Variants in NOTCH2 observed in about 807,000 individuals in gnomAD.
NOTCH2 encodes the protein notch receptor 2.
In NOTCH2, 29 loss-of-function variants were observed where a neutral mutation model predicts 235.8. That is an observed-to-expected ratio of 0.12 (90% confidence interval 0.09 to 0.17). The LOEUF (loss-of-function observed/expected upper bound fraction) is 0.17. Ranked by LOEUF, NOTCH2 falls within the 10% of genes least tolerant of loss-of-function variation. The probability of loss-of-function intolerance (pLI) is 1.00; values close to 1 mark genes in which losing one functional copy is unlikely to be tolerated. For missense variants in NOTCH2, 2,285 were observed against 3,150.2 expected (o/e 0.73, Z 6.57); for synonymous variants, 1,086 against 1,141.5 (o/e 0.95, Z 0.98).
chr1:119,955,947 T>C (rs1553198330), intron 12 of NOTCH2, among the ~76,000 whole-genome samples: 1 of 152,212 alleles, frequency 6.6e-6, no homozygotes, highest in Non-Finnish European at 1.5e-5. Context: ...CCTATCACCA[T>C]AGATTGTGAT....
intron 1 of NOTCH2, among the ~76,000 whole-genome samples, chr1:120,065,998 T>C (rs1553217010): frequency 1.3e-5 from 2 of 151,104 alleles, no homozygotes; most frequent in African/African-American, 4.9e-5. Context: ...AAAAACAACA[T>C]GTATGAATGA....
At chr1:119,941,396 A>T (rs1553196436) in intron 18 of NOTCH2, 130 bp downstream of exon 18, 2 of 723,142 alleles carry the variant, frequency 2.8e-6, no homozygotes, top group East Asian at 2.7e-5. Flanking sequence ...GCAATAGGAG[A>T]TGACTGTGGA....
At chr1:120,011,178 G>A (rs373338908) in intron 2 of NOTCH2, among the ~76,000 whole-genome samples, 85 of 151,980 alleles carry the variant, frequency 5.6e-4, no homozygotes, top group East Asian at 3.7e-3. Flanking sequence ...AAAATGTTTC[G>A]AAATTAGATA....
At chr1:120,063,310 G>A (rs1655380317) in intron 1 of NOTCH2, among the ~76,000 whole-genome samples, 1 of 152,008 alleles carries the variant, frequency 6.6e-6, no homozygotes, top group African/African-American at 2.4e-5. Flanking sequence ...ACACATCTGA[G>A]GGAAACTGCC....
At chr1:119,931,056 T>C (rs1439520360) in intron 22 of NOTCH2, among the ~76,000 whole-genome samples, 5 of 149,622 alleles carry the variant, frequency 3.3e-5, no homozygotes, top group African/African-American at 9.9e-5. Context: ...TAAGCCGAGA[T>C]TGCGCTACTG....
In NOTCH2 at chr1:119,914,621, CA is replaced by C. The variant is rs1649001244; in HGVS notation, c.*684del. 1.3e-5 allele frequency: 3 copies of C among 238,878 alleles called. No individual in the cohort carries two copies. Among genetic ancestry groups the C allele is most frequent in the Non-Finnish European group, 1.6e-5 (2 of 121,230 alleles). 14.8% of individuals were successfully genotyped at this position (238,878 alleles called of 1,614,324 possible). Reference sequence around the variant, plus strand: ...ATGATATATGCAGGAGAACACAATACAGTATGTCCATTTTCCAAAGAAACAA... The same window carrying C: ...ATGATATATGCAGGAGAACACAATACGTATGTCCATTTTCCAAAGAAACAA... On this transcript the variant is annotated 3_prime_UTR_variant, in exon 34 of 34. Transcript: ENST00000256646.
intron 1 of NOTCH2, among the ~76,000 whole-genome samples, chr1:120,058,497 C>T (rs1553215651): frequency 6.9e-6 from 1 of 144,074 alleles, no homozygotes; most frequent in Non-Finnish European, 1.5e-5. Flanking sequence ...AAGAGCAAAA[C>T]TCCAACTCAA....
intron 1 of NOTCH2, among the ~76,000 whole-genome samples, chr1:120,064,981 C>T (rs1464102400): frequency 2.0e-5 from 3 of 151,674 alleles, no homozygotes; most frequent in African/African-American, 7.3e-5. Context: ...AAATTGCTGG[C>T]CTAGTAATAC....
At chr1:120,007,765 C>A (rs1252759211) in intron 2 of NOTCH2, among the ~76,000 whole-genome samples, 1 of 151,526 alleles carries the variant, frequency 6.6e-6, no homozygotes, top group Admixed American at 6.6e-5. Flanking sequence ...ATACAATGCC[C>A]CATCCAAATC....
rs781822345 is a variant in NOTCH2, at chr1:119,966,325, C to T, written c.1567+51G>A. 2.5e-6 allele frequency: 3 copies of T among 1,190,746 alleles called. No homozygotes were observed. In the African/African-American group the frequency reaches 4.5e-5, roughly 18 times the overall value. The allele number at this position is 1,190,746 out of a possible 1,614,324, so 73.8% of individuals were successfully genotyped here. ...CTCTCCCTGCTCTCTTCCCTGTGGTCAGTTGGCTTTGTGCTTTAAGAGAAA... is the reference window on the plus strand; with the variant it reads ...CTCTCCCTGCTCTCTTCCCTGTGGTTAGTTGGCTTTGTGCTTTAAGAGAAA... On this transcript the variant is annotated intron_variant, in intron 9 of 33. Coordinates refer to ENST00000256646, the MANE Select transcript of NOTCH2 (RefSeq NM_024408.4).
Position 119,967,412 on chromosome 1 carries a change from C to A in NOTCH2, c.1453+21G>T, listed in dbSNP as rs374958487. The A allele has an allele frequency of 1.8e-5, 29 of 1,611,328 alleles. No homozygotes were observed. In the African/African-American group the frequency reaches 3.6e-4, roughly 20 times the overall value. On this transcript the variant is annotated intron_variant, in intron 8 of 33. Coordinates refer to ENST00000256646, the MANE Select transcript of NOTCH2 (RefSeq NM_024408.4). ...AACAGTCCCTCCTCTCTAGACCCAA[C>A]ATGCTGATGGGCCCATTTACCTGGC... is the stretch of plus-strand genomic sequence containing the variant.
chr1:119,917,666 T>A lies in NOTCH2; in HGVS notation c.6026A>T (p.Lys2009Met). ...AAGCTCAGAGCCCACAAACTGTACC[T>A]TGTTGTCCTGCATGTCTCGGTTGGC... is the stretch of plus-strand genomic sequence containing the variant. ...NGANRDMQDN[K>M]EETPLFLAAR... The change falls in exon 33 of 34, where the codon AAG (lysine) becomes ATG (methionine). Residue 2009 changes from lysine to methionine, a missense_variant and splice_region_variant. This residue lies in a region of NOTCH2 where 128 missense variants were observed against 255.9 expected (regional missense o/e 0.50). Transcript: ENST00000256646. 1 of 1,607,634 alleles carries A rather than the reference T, an allele frequency of 6.2e-7. No individual in the cohort carries two copies. Among genetic ancestry groups the A allele is most frequent in the Non-Finnish European group, 8.5e-7 (1 of 1,174,316 alleles).
In NOTCH2 at chr1:119,915,140, C is replaced by A; in HGVS notation, c.*166G>T. ...TAAGCCTTGCAGATACCCAGTGAAA[C>A]TGACGAATTGCTTCTCTTGCATTAT... is the stretch of plus-strand genomic sequence containing the variant. On this transcript the variant is annotated 3_prime_UTR_variant, in exon 34 of 34. Transcript: ENST00000256646. The A allele has an allele frequency of 1.4e-6, 1 of 723,314 alleles. No homozygotes were observed. Among genetic ancestry groups the A allele is most frequent in the East Asian group, 2.7e-5 (1 of 37,560 alleles). The allele number at this position is 723,314 out of a possible 1,614,324, so 44.8% of individuals were successfully genotyped here.
At chr1:119,973,898 TAGA>T (rs1303518528) in intron 5 of NOTCH2, among the ~76,000 whole-genome samples, 1 of 152,132 alleles carries the variant, frequency 6.6e-6, no homozygotes, top group Non-Finnish European at 1.5e-5. Context: ...GCTGGGGTTT[TAGA>T]AGAAGAAAAA....
chr1:120,009,182 A>G (rs1259184979), intron 2 of NOTCH2, among the ~76,000 whole-genome samples: 3 of 152,080 alleles, frequency 2.0e-5, no homozygotes, highest in South Asian at 2.1e-4. Flanking sequence ...GGAGCAGCAG[A>G]AAATAGATGA....
intron 17 of NOTCH2, among the ~76,000 whole-genome samples, chr1:119,942,997 C>T (rs962241690): frequency 4.6e-5 from 7 of 151,810 alleles, no homozygotes; most frequent in South Asian, 4.2e-4. Flanking sequence ...ATCAGCCTCC[C>T]GAGTAGCTGG....
At position 119,915,238 on chromosome 1, in the gene NOTCH2, G is replaced by A. The variant is rs972179975; in HGVS notation, c.*68C>T. On this transcript the variant is annotated 3_prime_UTR_variant, in exon 34 of 34. Transcript: ENST00000256646. ...AGATTTCTTCATTTCTCTCCCGGAT[G>A]ACCTTCATTTGTTCCTCAGCAGCAT... 1 of 1,486,642 alleles carries A rather than the reference G, an allele frequency of 6.7e-7. No individual in the cohort carries two copies. The highest frequency in any genetic ancestry group is 1.4e-5 in the African/African-American group (1 of 72,444). 92.1% of individuals were successfully genotyped at this position (1,486,642 alleles called of 1,614,324 possible). A position where few individuals can be genotyped will look rare whatever the true frequency, so the allele number is the denominator to read the frequency against.
intron 2 of NOTCH2, among the ~76,000 whole-genome samples, chr1:120,015,139 C>A (rs1168025710): frequency 6.6e-6 from 1 of 151,914 alleles, no homozygotes; most frequent in East Asian, 1.9e-4. Flanking sequence ...TTTAAAAAAA[C>A]TATACAGAAT....
At chr1:119,976,960 TTAA>T (rs1410561565) in intron 5 of NOTCH2, among the ~76,000 whole-genome samples, 2 of 152,140 alleles carry the variant, frequency 1.3e-5, no homozygotes, top group African/African-American at 4.8e-5. Context: ...GTTCTGCCTA[TTAA>T]TATGCTCTCC....
Sources: gnomAD v4.1 joint callset for allele counts (sites outside exome capture counted in the v4.1 genomes callset) on GRCh38, gnomAD v4.1.1 for gene constraint, gnomAD v4.1.1 regional missense constraint, MANE v1.5 for transcripts, NCBI Gene and HGNC (gene_info 2026-07-23, HGNC 2026-07-21) for gene names.